Variants in HBA1 observed in about 807,000 individuals in gnomAD.
HBA1 encodes hemoglobin subunit alpha 1, also known as hemoglobin subunit alpha.
HBA1 carries 3 observed loss-of-function variants against 7.8 expected under a neutral mutation model. That is an observed-to-expected ratio of 0.38 (90% CI 0.17 to 0.99). HBA1 has a LOEUF of 0.99. Among genes scored for constraint, HBA1 ranks in the 50% least tolerant of loss-of-function variants. The pLI is 0.38. For synonymous variants in HBA1, 32 were observed against 91.8 expected, an observed-to-expected ratio of 0.35 and a Z score of 3.72; for missense variants, 67 against 194.6, an observed-to-expected ratio of 0.34 and a Z score of 3.90.
At position 177,321 on chromosome 16, in the gene HBA1, C is replaced by T; in HGVS notation, c.339C>T (p.His113=). The T allele has an allele frequency of 1.2e-6, 2 of 1,613,152 alleles. No individual in the cohort carries two copies. The highest frequency in any genetic ancestry group is 1.7e-6 in the Non-Finnish European group (2 of 1,179,802). The change falls in exon 3 of 3, where the codon CAC becomes CAT. Residue 113 remains histidine (H), a synonymous_variant. Coordinates refer to ENST00000320868, the MANE Select transcript of HBA1 (RefSeq NM_000558.5). ...SHCLLVTLAA[H]LPAEFTPAVH... ...GCCTGCTGGTGACCCTGGCCGCCCA[C>T]CTCCCCGCCGAGTTCACCCCTGCGG... is the stretch of plus-strand genomic sequence containing the variant.
Position 177,285 on chromosome 16 carries a change from C to T in HBA1, c.303C>T (p.Leu101=), listed in dbSNP as rs1267280499. Residue 101 remains leucine, a splice_region_variant and synonymous_variant, in exon 3 of 3, where the codon CTC becomes CTT. Transcript: ENST00000320868. ...CACTGACCCTCTTCTCTGCACAGCT[C>T]CTAAGCCACTGCCTGCTGGTGACCC... ...KLRVDPVNFK[L]LSHCLLVTLA... is the part of the protein sequence containing the mutation. 1 of 1,613,270 alleles carries T rather than the reference C, an allele frequency of 6.2e-7. No individual in the cohort carries two copies. Among genetic ancestry groups the T allele is most frequent in the African/African-American group, 1.3e-5 (1 of 74,934 alleles).
At position 177,366 on chromosome 16, in the gene HBA1, GT is replaced by G. The variant is rs764798737; in HGVS notation, c.386del (p.Phe129SerfsTer5). 1 of 1,613,734 alleles carries G rather than the reference GT, an allele frequency of 6.2e-7. No individual in the cohort carries two copies. The highest frequency in any genetic ancestry group is 2.2e-5 in the East Asian group (1 of 44,854). ...TPAVHASLDK[F>X]LASVSTVLTS... ...CTGCGGTGCACGCCTCCCTGGACAA[GT>G]TCCTGGCTTCTGTGAGCACCGTGCT... On this transcript the variant is annotated frameshift_variant, in exon 3 of 3. Transcript: ENST00000320868. LOFTEE classifies it high-confidence loss of function.
chr16:177,140 G>A lies in HBA1; in HGVS notation c.300+7G>A, dbSNP rs1902162884. On this transcript the variant is annotated splice_region_variant and intron_variant, in intron 2 of 2. Transcript: ENST00000320868. ...GGACCCGGTCAACTTCAAGGTGAGCGGCGGGCCGGGAGCGATCTGGGTCGA... is the reference window on the plus strand; with the variant it reads ...GGACCCGGTCAACTTCAAGGTGAGCAGCGGGCCGGGAGCGATCTGGGTCGA... 6 of 1,597,386 alleles carry A rather than the reference G, an allele frequency of 3.8e-6. No homozygotes were observed. The highest frequency in any genetic ancestry group is 5.1e-6 in the Non-Finnish European group (6 of 1,174,428).
chr16:177,264 G>A lies in HBA1; in HGVS notation c.301-19G>A, dbSNP rs765563255. On this transcript the variant is annotated intron_variant, in intron 2 of 2. Transcript: ENST00000320868. ...GCGGGCCTGGGCCCTCGGCCCCACT[G>A]ACCCTCTTCTCTGCACAGCTCCTAA... 4.3e-5 allele frequency: 69 copies of A among 1,613,212 alleles called. No individual in the cohort carries two copies. In the South Asian group the frequency reaches 5.7e-4, roughly 13 times the overall value.
Position 177,455 on chromosome 16 carries a change from C to T in HBA1, c.*44C>T, listed in dbSNP as rs770226969. The stretch of plus-strand genomic sequence containing the variant: ...ATGCTTCTTGCCCCTTGGGCCTCCC[C>T]CCAGCCCCTCCTCCCCTTCCTGCAC... On this transcript the variant is annotated 3_prime_UTR_variant, in exon 3 of 3. Transcript: ENST00000320868. The T allele has an allele frequency of 1.2e-6, 2 of 1,602,836 alleles. No individual in the cohort carries two copies. The highest frequency in any genetic ancestry group is 1.7e-6 in the Non-Finnish European group (2 of 1,174,164).
chr16:177,252 C>T, intron 2 of HBA1, 31 bp from the exon 3 acceptor site: 3 of 1,611,972 alleles, frequency 1.9e-6, no homozygotes, highest in Non-Finnish European at 2.5e-6. Context: ...GGCCTGGGCC[C>T]TCGGCCCCAC....
In HBA1 at chr16:177,314, C is replaced by T. The variant is rs63749948; in HGVS notation, c.332C>T (p.Ala111Val). 7.4e-6 allele frequency: 12 copies of T among 1,613,000 alleles called. No homozygotes were observed. The highest frequency in any genetic ancestry group is 1.0e-5 in the Non-Finnish European group (12 of 1,179,810). Residue 111 changes from alanine to valine, a missense_variant, in exon 3 of 3, where the codon GCC becomes GTC. Ala to Val is a moderately conservative substitution (Grantham distance 64). Coordinates refer to ENST00000320868, the MANE Select transcript of HBA1 (RefSeq NM_000558.5). ...LLSHCLLVTL[A>V]AHLPAEFTPA... is the part of the protein sequence containing the mutation. ...AGCCACTGCCTGCTGGTGACCCTGG[C>T]CGCCCACCTCCCCGCCGAGTTCACC...
intron 2 of HBA1, 61 bp downstream of exon 2, chr16:177,194 C>T (rs1902164270): frequency 6.2e-7 from 1 of 1,611,960 alleles, no homozygotes; most frequent in African/African-American, 1.3e-5. Context: ...CCTCGCAGGG[C>T]AGAGGATCAC....
chr16:177,219 G>A (rs1902164963), intron 2 of HBA1, 64 bp from the exon 3 acceptor site: 2 of 1,612,340 alleles, frequency 1.2e-6, no homozygotes, highest in South Asian at 1.1e-5. Flanking sequence ...GTTGCGGGAG[G>A]TGTAGCGCAG....
Position 177,453 on chromosome 16 carries a change from C to T in HBA1, c.*42C>T, listed in dbSNP as rs375518794. 240 of 1,604,526 alleles carry T rather than the reference C, an allele frequency of 1.5e-4. No individual in the cohort carries two copies. The highest frequency in any genetic ancestry group is 2.6e-5 in the Non-Finnish European group (31 of 1,175,134). ...CCATGCTTCTTGCCCCTTGGGCCTC[C>T]CCCCAGCCCCTCCTCCCCTTCCTGC... is the stretch of plus-strand genomic sequence containing the variant. On this transcript the variant is annotated 3_prime_UTR_variant, in exon 3 of 3. Coordinates refer to ENST00000320868, the MANE Select transcript of HBA1 (RefSeq NM_000558.5).
rs63749865 is a variant in HBA1, at chr16:177,366, G to C, written c.384G>C (p.Lys128Asn). 3 of 1,613,614 alleles carry C rather than the reference G, an allele frequency of 1.9e-6. No homozygotes were observed. Among genetic ancestry groups the C allele is most frequent in the Non-Finnish European group, 2.5e-6 (3 of 1,179,962 alleles). ...FTPAVHASLDKFLASVSTVLT... is the reference protein window; with the variant it reads ...FTPAVHASLDNFLASVSTVLT... ...CTGCGGTGCACGCCTCCCTGGACAA[G>C]TTCCTGGCTTCTGTGAGCACCGTGC... is the stretch of plus-strand genomic sequence containing the variant. The change falls in exon 3 of 3, where the codon AAG becomes AAC. Residue 128 changes from lysine (K) to asparagine (N), a missense_variant. Physicochemically the swap from Lys to Asn is moderately conservative, Grantham distance 94. This residue lies in a region of HBA1 where 58 missense variants were observed against 91.9 expected (regional missense o/e 0.63). Coordinates refer to ENST00000320868, the MANE Select transcript of HBA1 (RefSeq NM_000558.5).
rs33977363 is a variant in HBA1 at position 177,059 on chromosome 16, G to C, written c.226G>C (p.Asp76His). Residue 76 changes from aspartate to histidine, a missense_variant, in exon 2 of 3, where the codon GAC becomes CAC. Transcript: ENST00000320868. ...GACCAACGCCGTGGCGCACGTGGAC[G>C]ACATGCCCAACGCGCTGTCCGCCCT... Reference protein sequence around the residue: ...ALTNAVAHVDDMPNALSALSD... With the variant: ...ALTNAVAHVDHMPNALSALSD... The C allele has an allele frequency of 6.6e-7, 1 of 1,510,286 alleles. No homozygotes were observed. The allele number at this position is 1,510,286 out of a possible 1,614,324, so 93.6% of individuals were successfully genotyped here.
chr16:177,040 C>G lies in HBA1; in HGVS notation c.207C>G (p.Asn69Lys), dbSNP rs1060339. 22 of 1,466,930 alleles carry G rather than the reference C, an allele frequency of 1.5e-5. No homozygotes were observed. In the African/African-American group the frequency reaches 3.0e-4, roughly 20 times the overall value. 90.9% of individuals were successfully genotyped at this position (1,466,930 alleles called of 1,614,324 possible). A position where few individuals can be genotyped will look rare whatever the true frequency, so the allele number is the denominator to read the frequency against. The change falls in exon 2 of 3, where the codon AAC becomes AAG. Residue 69 changes from asparagine (N) to lysine (K), a missense_variant. By Grantham distance (94) the Asn-to-Lys change is moderately conservative. This residue lies in a region of HBA1 where 9 missense variants were observed against 102.7 expected (regional missense o/e 0.09). Coordinates refer to ENST00000320868, the MANE Select transcript of HBA1 (RefSeq NM_000558.5). ...AGAAGGTGGCCGACGCGCTGACCAA[C>G]GCCGTGGCGCACGTGGACGACATGC... ...HGKKVADALT[N>K]AVAHVDDMPN...
Position 177,411 on chromosome 16 carries a change from A to C in HBA1, c.429A>C (p.Ter143TyrextTer30). 1 of 1,613,576 alleles carries C rather than the reference A, an allele frequency of 6.2e-7. No homozygotes were observed. The highest frequency in any genetic ancestry group is 8.5e-7 in the Non-Finnish European group (1 of 1,179,930). ...VSTVLTSKYR[*>Y] is the part of the protein sequence containing the mutation. ...CCGTGCTGACCTCCAAATACCGTTA[A>C]GCTGGAGCCTCGGTGGCCATGCTTC... The change falls in exon 3 of 3, where the codon TAA (stop) becomes TAC (tyrosine). Residue 143 changes from the stop codon to tyrosine (Y), a stop_lost. Transcript: ENST00000320868.
Position 177,357 on chromosome 16 carries a change from C to T in HBA1, c.375C>T (p.Ser125=). Residue 125 remains serine (S), a synonymous_variant, in exon 3 of 3, where the codon TCC becomes TCT. Transcript: ENST00000320868. ...AGTTCACCCCTGCGGTGCACGCCTC[C>T]CTGGACAAGTTCCTGGCTTCTGTGA... The part of the protein sequence containing the change: ...PAEFTPAVHA[S]LDKFLASVST... 6.2e-7 allele frequency: 1 copy of T among 1,613,608 alleles called. No individual in the cohort carries two copies. The highest frequency in any genetic ancestry group is 8.5e-7 in the Non-Finnish European group (1 of 1,179,906).
chr16:177,224 G>C (rs1902165007), intron 2 of HBA1, 59 bp from the exon 3 acceptor site: 1 of 1,612,284 alleles, frequency 6.2e-7, no homozygotes, highest in East Asian at 2.2e-5. Context: ...GGGAGGTGTA[G>C]CGCAGGCGGC....
intron 2 of HBA1, 22 bp from the exon 3 acceptor site, chr16:177,261 A>ACTGAC: frequency 1.9e-6 from 3 of 1,613,110 alleles, no homozygotes; most frequent in Non-Finnish European, 2.5e-6. Flanking sequence ...CCTCGGCCCC[A>ACTGAC]CTGACCCTCT....
chr16:177,059 G>T lies in HBA1; in HGVS notation c.226G>T (p.Asp76Tyr), dbSNP rs33977363. Residue 76 changes from aspartate (D) to tyrosine (Y), a missense_variant, in exon 2 of 3, where the codon GAC becomes TAC. By Grantham distance (160) the Asp-to-Tyr change is radical. Transcript: ENST00000320868. ...ALTNAVAHVD[D>Y]MPNALSALSD... is the part of the protein sequence containing the mutation. ...GACCAACGCCGTGGCGCACGTGGACGACATGCCCAACGCGCTGTCCGCCCT... is the reference window on the plus strand; with the variant it reads ...GACCAACGCCGTGGCGCACGTGGACTACATGCCCAACGCGCTGTCCGCCCT... 8.6e-6 allele frequency: 13 copies of T among 1,510,168 alleles called. No homozygotes were observed. The highest frequency in any genetic ancestry group is 9.8e-6 in the Non-Finnish European group (11 of 1,119,986). 93.5% of individuals were successfully genotyped at this position (1,510,168 alleles called of 1,614,324 possible).
chr16:177,296 G>A lies in HBA1; in HGVS notation c.314G>A (p.Cys105Tyr), dbSNP rs1902167560. 2 of 1,613,312 alleles carry A rather than the reference G, an allele frequency of 1.2e-6. No homozygotes were observed. The highest frequency in any genetic ancestry group is 2.2e-5 in the South Asian group (2 of 91,054). Residue 105 changes from cysteine to tyrosine, a missense_variant, in exon 3 of 3, where the codon TGC becomes TAC. Cys to Tyr is a radical substitution (Grantham distance 194, BLOSUM62 -2). Around this residue, in one of 2 missense-constraint regions of HBA1, gnomAD observed 58 missense variants for 91.9 expected, o/e 0.63. Coordinates refer to ENST00000320868, the MANE Select transcript of HBA1 (RefSeq NM_000558.5). ...TTCTCTGCACAGCTCCTAAGCCACTGCCTGCTGGTGACCCTGGCCGCCCAC... is the reference window on the plus strand; with the variant it reads ...TTCTCTGCACAGCTCCTAAGCCACTACCTGCTGGTGACCCTGGCCGCCCAC... ...DPVNFKLLSHCLLVTLAAHLP... is the reference protein window; with the variant it reads ...DPVNFKLLSHYLLVTLAAHLP...
Sources: gnomAD v4.1 joint callset for allele counts on GRCh38, gnomAD v4.1.1 for gene constraint, gnomAD v4.1.1 regional missense constraint, MANE v1.5 for transcripts, NCBI Gene and HGNC (gene_info 2026-07-23, HGNC 2026-07-21) for gene names.